SEMA3A: variants seen among roughly 807,000 people sequenced by gnomAD.
SEMA3A encodes the protein semaphorin-3A.
In SEMA3A, 29 loss-of-function variants were observed where a neutral mutation model predicts 97.9. The ratio of observed to expected loss-of-function variants is 0.30; its 90% CI spans 0.22 to 0.40. The LOEUF (loss-of-function observed/expected upper bound fraction) is 0.40. SEMA3A is among the 10% of genes least tolerant of loss of function. The pLI, the probability that SEMA3A is intolerant of heterozygous loss-of-function variation, is 1.00. For synonymous variants in SEMA3A, 321 were observed against 323.7 expected, an observed-to-expected ratio of 0.99 and a Z score of 0.09; for missense variants, 763 against 951.3, an observed-to-expected ratio of 0.80 and a Z score of 2.60.
At chr7:84,486,156 G>A (rs1212314974) in intron 1 of SEMA3A, among the ~76,000 whole-genome samples, 3 of 152,242 alleles carry the variant, frequency 2.0e-5, no homozygotes, top group African/African-American at 7.2e-5. Context: ...TTGGGAGGCT[G>A]AGGCAGGCAG....
chr7:84,012,900 A>AT (rs957010223), intron 7 of SEMA3A, among the ~76,000 whole-genome samples: 4 of 151,982 alleles, frequency 2.6e-5, no homozygotes, highest in African/African-American at 7.3e-5. Context: ...CACCTTAGAG[A>AT]TTTTTTTTAA....
At chr7:84,010,090 T>C (rs915339327) in intron 9 of SEMA3A, among the ~76,000 whole-genome samples, 16 of 152,160 alleles carry the variant, frequency 1.1e-4, no homozygotes, top group African/African-American at 3.4e-4. Context: ...TCTTTTTACA[T>C]GATTATTTTA....
At chr7:84,145,174 A>G (rs1293905489) in intron 1 of SEMA3A, among the ~76,000 whole-genome samples, 1 of 152,132 alleles carries the variant, frequency 6.6e-6, no homozygotes, top group African/African-American at 2.4e-5. Flanking sequence ...GACCCAAGTC[A>G]GCCTTCTCCT....
chr7:84,410,722 C>T (rs1804241134), intron 1 of SEMA3A, among the ~76,000 whole-genome samples: 1 of 152,064 alleles, frequency 6.6e-6, no homozygotes, highest in Admixed American at 6.6e-5. Context: ...ATTAGAGATT[C>T]TAATTATATG....
chr7:84,441,733 T>C (rs907111439), intron 1 of SEMA3A, among the ~76,000 whole-genome samples: 1 of 152,116 alleles, frequency 6.6e-6, no homozygotes, highest in East Asian at 1.9e-4. Flanking sequence ...TGGAGATATA[T>C]TATAGTTAAA....
intron 1 of SEMA3A, among the ~76,000 whole-genome samples, chr7:84,488,323 C>CAA (rs1806635593): frequency 6.6e-6 from 1 of 150,826 alleles, no homozygotes; most frequent in African/African-American, 2.4e-5. Flanking sequence ...TATATACACA[C>CAA]ACACACACAC....
At chr7:84,400,025 A>AG in intron 1 of SEMA3A, among the ~76,000 whole-genome samples, 1 of 152,312 alleles carries the variant, frequency 6.6e-6, no homozygotes, top group East Asian at 1.9e-4. Flanking sequence ...TATGCCCATC[A>AG]GGGCTGGGCA....
chr7:84,468,939 T>C (rs1209778191), intron 1 of SEMA3A, among the ~76,000 whole-genome samples: 2 of 149,392 alleles, frequency 1.3e-5, no homozygotes, highest in Admixed American at 6.8e-5. Flanking sequence ...TAACTATATA[T>C]AGTAAAAGCA....
chr7:84,066,030 T>C (rs1004031184), intron 4 of SEMA3A, among the ~76,000 whole-genome samples: 25 of 151,508 alleles, frequency 1.7e-4, no homozygotes, highest in Non-Finnish European at 3.4e-4. Context: ...AATAAAATAC[T>C]GGCAAACCGA....
intron 6 of SEMA3A, among the ~76,000 whole-genome samples, chr7:84,016,895 C>G (rs1420046114): frequency 6.6e-6 from 1 of 152,152 alleles, no homozygotes; most frequent in Non-Finnish European, 1.5e-5. Flanking sequence ...AACAATCATA[C>G]ATTCTTCTGC....
chr7:84,382,851 C>T (rs571210834), intron 1 of SEMA3A, among the ~76,000 whole-genome samples: 1 of 151,972 alleles, frequency 6.6e-6, no homozygotes, highest in Non-Finnish European at 1.5e-5. Flanking sequence ...GCACTCCAGC[C>T]TGGGTGACAG....
At chr7:84,268,249 ATGTGTG>A (rs66460940) in intron 3 of SEMA3A, among the ~76,000 whole-genome samples, 5,278 of 130,986 alleles carry the variant, frequency 0.04, 243 homozygotes, top group African/African-American at 0.11. Flanking sequence ...AGACATAAGC[ATGTGTG>A]TGTGTGTGTG....
chr7:84,445,472 C>T lies in SEMA3A; in HGVS notation c.-246+46988G>A, dbSNP rs187436952. Among the ~76,000 whole-genome samples, 488 of 89,954 alleles carry T rather than the reference C, an allele frequency of 5.4e-3. 9 individuals are homozygous for T. The highest frequency in any genetic ancestry group is 0.042 in the South Asian group (97 of 2,318). The allele number at this position is 89,954 out of a possible 152,430, so 59.0% of individuals were successfully genotyped here. A position where few individuals can be genotyped will look rare whatever the true frequency, so the allele number is the denominator to read the frequency against. On this transcript the variant is annotated intron_variant, in intron 1 of 3. Transcript: ENST00000424555. ...GCATGCCACTGTACTCCAGCCTGGG[C>T]GACAGAGTGAGACTCCATCTCAAAA... is the stretch of plus-strand genomic sequence containing the variant.
intron 3 of SEMA3A, among the ~76,000 whole-genome samples, chr7:84,123,730 T>C (rs1795703861): frequency 6.8e-6 from 1 of 146,426 alleles, no homozygotes; most frequent in Non-Finnish European, 1.5e-5. Flanking sequence ...ATAAAATATA[T>C]ATATTTAAAA....
At chr7:83,967,922 T>G (rs867928480) in intron 15 of SEMA3A, among the ~76,000 whole-genome samples, 1 of 152,200 alleles carries the variant, frequency 6.6e-6, no homozygotes, top group African/African-American at 2.4e-5. Flanking sequence ...TAAACATTTA[T>G]CATTTCTTTG....
At position 84,444,339 on chromosome 7, in the gene SEMA3A, A is replaced by G. The variant is rs1217210162; in HGVS notation, c.-246+48121T>C. 2.6e-5 allele frequency among the ~76,000 whole-genome samples: 4 copies of G among 152,178 alleles called. No individual in the cohort carries two copies. In the East Asian group the frequency reaches 5.8e-4, roughly 22 times the overall value. On this transcript the variant is annotated intron_variant, in intron 1 of 3. Coordinates refer to the SEMA3A transcript ENST00000424555. The stretch of plus-strand genomic sequence containing the variant: ...CTGCAGTTTATCTAGGTGCAAAAAA[A>G]TGTGTCACCCATTGAGTGAAAAGTG...
chr7:84,409,109 AT>A (rs1165961562), intron 1 of SEMA3A, among the ~76,000 whole-genome samples: 6 of 150,136 alleles, frequency 4.0e-5, no homozygotes, highest in African/African-American at 1.5e-4. Flanking sequence ...AGTTAGAAGG[AT>A]AGGTTCTATT....
chr7:83,985,511 G>A (rs1337231096), intron 12 of SEMA3A, 34 bp from the exon 13 acceptor site: 1 of 1,578,408 alleles, frequency 6.3e-7, no homozygotes, highest in East Asian at 2.2e-5. Context: ...GAGGTGTTTG[G>A]TCAATTAGAA....
At chr7:84,423,032 A>G (rs1179431447) in intron 1 of SEMA3A, among the ~76,000 whole-genome samples, 1 of 152,004 alleles carries the variant, frequency 6.6e-6, no homozygotes, top group Non-Finnish European at 1.5e-5. Flanking sequence ...CCAGTGATTA[A>G]TATTGTAATA....
Sources: gnomAD v4.1 joint callset for allele counts (sites outside exome capture counted in the v4.1 genomes callset) on GRCh38, gnomAD v4.1.1 for gene constraint, MANE v1.5 for transcripts, NCBI Gene and HGNC (gene_info 2026-07-23, HGNC 2026-07-21) for gene names.